Variants in KDM2B observed in about 807,000 individuals in gnomAD.
KDM2B encodes lysine-specific demethylase 2B.
Under a neutral mutation model 150.0 loss-of-function variants are expected in KDM2B, and 26 were observed. That is an observed-to-expected ratio of 0.17 (90% CI 0.13 to 0.24). The LOEUF is 0.24. KDM2B is among the 10% of genes least tolerant of loss of function. The pLI is 1.00. For synonymous variants in KDM2B, 734 were observed against 729.5 expected (o/e 1.01, Z -0.10); for missense variants, 1,265 against 1,816.9 (o/e 0.70, Z 5.52).
At chr12:121,579,792 C>A in intron 1 of KDM2B, 1 of 1,256,272 alleles carries the variant, frequency 8.0e-7, no homozygotes, top group Non-Finnish European at 1.1e-6. Context: ...TTCCCCGATA[C>A]CACCTCCCCA....
At chr12:121,512,595 C>T (rs1167355170) in intron 10 of KDM2B, among the ~76,000 whole-genome samples, 1 of 152,116 alleles carries the variant, frequency 6.6e-6, no homozygotes, top group Non-Finnish European at 1.5e-5. Flanking sequence ...ACCACAACAG[C>T]TCAGACGCAG....
chr12:121,532,173 A>G (rs1887712839), intron 8 of KDM2B, among the ~76,000 whole-genome samples: 1 of 151,760 alleles, frequency 6.6e-6, no homozygotes, highest in African/African-American at 2.4e-5. Flanking sequence ...CCCTCCCTCT[A>G]CACAGCAGGA....
intron 12 of KDM2B, among the ~76,000 whole-genome samples, chr12:121,489,050 C>T (rs9668627): frequency 0.018 from 2,743 of 151,854 alleles, 81 homozygotes; most frequent in African/African-American, 0.062. Context: ...TCAGGTGATC[C>T]GCCCACCTCA....
chr12:121,512,430 T>TA (rs1885671059), intron 10 of KDM2B, among the ~76,000 whole-genome samples: 1 of 150,354 alleles, frequency 6.7e-6, no homozygotes. Context: ...AAAGGGGAAA[T>TA]AAAAAAAGAA....
At chr12:121,440,326 T>A in intron 21 of KDM2B, 1 of 531,628 alleles carries the variant, frequency 1.9e-6, no homozygotes, top group Non-Finnish European at 3.4e-6. Context: ...CCAGTAGTCA[T>A]CAGCCAACCA....
chr12:121,509,422 A>G, intron 11 of KDM2B, 145 bp downstream of exon 11: 1 of 1,413,256 alleles, frequency 7.1e-7, no homozygotes, highest in Non-Finnish European at 9.3e-7. Context: ...GTGGACTGAG[A>G]CCCCAGAAGC....
chr12:121,436,029 T>A (rs568170993), intron 22 of KDM2B, among the ~76,000 whole-genome samples: 16 of 152,186 alleles, frequency 1.1e-4, no homozygotes, highest in African/African-American at 3.9e-4. Flanking sequence ...AATAAAACAA[T>A]CATTCATATC....
chr12:121,540,680 G>A (rs2141782188), intron 6 of KDM2B, among the ~76,000 whole-genome samples: 1 of 151,048 alleles, frequency 6.6e-6, no homozygotes, highest in South Asian at 2.1e-4. Flanking sequence ...CTGGAACCCG[G>A]GAGGCAGAGG....
At chr12:121,525,395 T>C (rs1255980758) in intron 8 of KDM2B, among the ~76,000 whole-genome samples, 2 of 152,032 alleles carry the variant, frequency 1.3e-5, no homozygotes, top group African/African-American at 4.8e-5. Flanking sequence ...GCCTCCTGAG[T>C]AGCTGGAATC....
intron 13 of KDM2B, among the ~76,000 whole-genome samples, chr12:121,447,130 C>T (rs1876408973): frequency 1.3e-5 from 2 of 152,298 alleles, no homozygotes; most frequent in African/African-American, 4.8e-5. Context: ...TAAAATACTC[C>T]TCCCTTTTCC....
At chr12:121,491,228 C>T (rs1421664983) in intron 12 of KDM2B, among the ~76,000 whole-genome samples, 8 of 152,124 alleles carry the variant, frequency 5.3e-5, no homozygotes, top group African/African-American at 1.7e-4. Context: ...GGAAGTGGCC[C>T]GAGAGGCACT....
chr12:121,456,291 G>C (rs2138954786), intron 12 of KDM2B, among the ~76,000 whole-genome samples: 1 of 152,342 alleles, frequency 6.6e-6, no homozygotes, highest in Non-Finnish European at 1.5e-5. Flanking sequence ...TCAGTGCGAA[G>C]GGTGCCAACA....
Position 121,518,783 on chromosome 12 carries a change from G to C in KDM2B, c.1047+2202C>G, listed in dbSNP as rs1375351888. 6.6e-6 allele frequency among the ~76,000 whole-genome samples: 1 copy of C among 152,220 alleles called. No homozygotes were observed. Among genetic ancestry groups the C allele is most frequent in the African/African-American group, 2.4e-5 (1 of 41,464 alleles). ...GAATTGCCTGGAAAGTCGTGGGCCT[G>C]ACTTCCACTAGATTTCTCCATCTCT... On this transcript the variant is annotated intron_variant, in intron 9 of 22. Coordinates refer to ENST00000377071, the MANE Select transcript of KDM2B (RefSeq NM_032590.5). This position sits in a 1 kb window ranked among gnomAD's most constrained non-coding sequence, Gnocchi z 4.4.
intron 12 of KDM2B, among the ~76,000 whole-genome samples, chr12:121,465,909 G>A (rs1555294664): frequency 1.3e-5 from 2 of 152,140 alleles, no homozygotes; most frequent in African/African-American, 2.4e-5. Flanking sequence ...TAGGGCTACT[G>A]ACTTAATAAA....
intron 13 of KDM2B, among the ~76,000 whole-genome samples, chr12:121,450,447 A>G (rs1489894284): frequency 1.3e-5 from 2 of 152,348 alleles, no homozygotes; most frequent in Admixed American, 6.5e-5. Context: ...CAACATCACT[A>G]AGAATTAGGG....
chr12:121,427,464 C>T (rs1203695755), downstream of KDM2B, among the ~76,000 whole-genome samples: 2 of 152,126 alleles, frequency 1.3e-5, no homozygotes, highest in African/African-American at 4.8e-5. Flanking sequence ...ATTGCTTGAA[C>T]CTGGGAGGCA....
chr12:121,543,074 G>T (rs118116292), intron 6 of KDM2B, among the ~76,000 whole-genome samples: 1 of 152,310 alleles, frequency 6.6e-6, no homozygotes, highest in East Asian at 1.9e-4. Context: ...GAGGCCCGGC[G>T]CAGTGGGTCA....
In KDM2B at chr12:121,444,105, C is replaced by T. The variant is rs558946652; in HGVS notation, c.2358G>A (p.Pro786=). The change falls in exon 16 of 23, where the codon CCG becomes CCA. Residue 786 remains proline, a synonymous_variant. Coordinates refer to ENST00000377071, the MANE Select transcript of KDM2B (RefSeq NM_032590.5). ...ACTTTCTGCGCAGAAGGCCGTCCGG[C>T]GGCACCTTCTTCGAGTGCTCATCCG... ...RRSDEHSKKV[P]PDGLLRRKSD... 3.1e-6 allele frequency: 5 copies of T among 1,613,688 alleles called. No homozygotes were observed. The highest frequency in any genetic ancestry group is 1.6e-4 in the Middle Eastern group (1 of 6,062).
chr12:121,521,826 G>A lies in KDM2B; in HGVS notation c.932-726C>T, dbSNP rs781944025. 9.2e-5 allele frequency among the ~76,000 whole-genome samples: 14 copies of A among 152,218 alleles called. No homozygotes were observed. The highest frequency in any genetic ancestry group is 1.6e-4 in the Non-Finnish European group (11 of 68,046). ...CACCATCACAAGGGAAACGGAGGCAGGGCCAGGTGTAGTGGTGCACCTCTG... is the reference window on the plus strand; with the variant it reads ...CACCATCACAAGGGAAACGGAGGCAAGGCCAGGTGTAGTGGTGCACCTCTG... On this transcript the variant is annotated intron_variant, in intron 8 of 22. Transcript: ENST00000377071. This position sits in a 1 kb window ranked among gnomAD's most constrained non-coding sequence, Gnocchi z 4.9.
Sources: allele counts gnomAD v4.1 joint callset (sites outside exome capture counted in the v4.1 genomes callset), GRCh38; gene constraint gnomAD v4.1.1; non-coding constraint Gnocchi (gnomAD v3.1); transcripts MANE v1.5; gene names NCBI Gene and HGNC (gene_info 2026-07-23, HGNC 2026-07-21).